CNTNAP2: variants seen among roughly 807,000 people sequenced by gnomAD.
CNTNAP2 encodes contactin-associated protein-like 2.
A neutral mutation model predicts 155.2 loss-of-function variants in CNTNAP2; 98 were observed. The observed-to-expected ratio is 0.63, with a 90% CI of 0.54 to 0.75. The LOEUF is 0.75. Among genes scored for constraint, CNTNAP2 ranks in the 30% least tolerant of loss-of-function variants. The pLI is 0.00. For synonymous variants in CNTNAP2, 651 were observed against 631.2 expected, an observed-to-expected ratio of 1.03 and a Z score of -0.47; for missense variants, 1,727 against 1,688.1, an observed-to-expected ratio of 1.02 and a Z score of -0.40.
intron 1 of CNTNAP2, among the ~76,000 whole-genome samples, chr7:146,539,846 T>C (rs1797924898): frequency 6.6e-6 from 1 of 152,142 alleles, no homozygotes; most frequent in African/African-American, 2.4e-5. Context: ...TCAAGAAATG[T>C]TTGTTGTATT....
intron 13 of CNTNAP2, among the ~76,000 whole-genome samples, chr7:147,778,116 G>A (rs12536848): frequency 0.014 from 2,111 of 152,104 alleles, 104 homozygotes; most frequent in Admixed American, 0.089. Flanking sequence ...CTCATGCTTC[G>A]GCATAAAGTC....
chr7:147,690,344 C>T (rs149130270), intron 13 of CNTNAP2, among the ~76,000 whole-genome samples: 2,510 of 152,258 alleles, frequency 0.016, 223 homozygotes, highest in Admixed American at 0.15. Flanking sequence ...TTCTTTAAAA[C>T]CAAACAGGTT....
At chr7:147,027,131 C>A (rs1042599576) in intron 3 of CNTNAP2, among the ~76,000 whole-genome samples, 1 of 151,886 alleles carries the variant, frequency 6.6e-6, no homozygotes, top group African/African-American at 2.4e-5. Context: ...ACTCTTTCTT[C>A]CCCTTAATTG....
At chr7:147,283,318 C>CT (rs34156255) in intron 8 of CNTNAP2, among the ~76,000 whole-genome samples, 19 of 151,270 alleles carry the variant, frequency 1.3e-4, no homozygotes, top group African/African-American at 2.4e-4. Flanking sequence ...AGTTCAAAGG[C>CT]TTTTTTTTAA....
chr7:146,152,464 G>A (rs1003220309), intron 1 of CNTNAP2, among the ~76,000 whole-genome samples: 2 of 152,050 alleles, frequency 1.3e-5, no homozygotes, highest in African/African-American at 4.8e-5. Flanking sequence ...CAACGTGGTA[G>A]CTATAGTTAA....
chr7:147,350,081 G>A (rs1004871722), intron 9 of CNTNAP2, among the ~76,000 whole-genome samples: 3 of 151,956 alleles, frequency 2.0e-5, no homozygotes, highest in African/African-American at 2.4e-5. Context: ...TCACTTGCAA[G>A]TGTAGGGCCT....
At chr7:147,938,302 C>T (rs940425182) in intron 14 of CNTNAP2, among the ~76,000 whole-genome samples, 5 of 152,078 alleles carry the variant, frequency 3.3e-5, no homozygotes, top group African/African-American at 9.7e-5. Flanking sequence ...CTAAGACCTA[C>T]TATACACTAA....
intron 13 of CNTNAP2, among the ~76,000 whole-genome samples, chr7:147,725,317 C>T (rs1796624423): frequency 6.6e-6 from 1 of 152,036 alleles, no homozygotes; most frequent in Non-Finnish European, 1.5e-5. Flanking sequence ...CCATTAAGAA[C>T]TGATCATTTA....
At chr7:147,943,714 G>A (rs1480589887) in intron 14 of CNTNAP2, among the ~76,000 whole-genome samples, 1 of 126,012 alleles carries the variant, frequency 7.9e-6, no homozygotes, top group Non-Finnish European at 1.6e-5. Flanking sequence ...AGTGAGCTGA[G>A]ATAATGTCAC....
intron 1 of CNTNAP2, among the ~76,000 whole-genome samples, chr7:146,524,173 A>G (rs1797655193): frequency 6.6e-6 from 1 of 152,170 alleles, no homozygotes; most frequent in South Asian, 2.1e-4. Context: ...GATGGCCCAT[A>G]TGAGGCCCAT....
chr7:146,216,415 A>G (rs1236675584), intron 1 of CNTNAP2, among the ~76,000 whole-genome samples: 1 of 152,200 alleles, frequency 6.6e-6, no homozygotes, highest in Non-Finnish European at 1.5e-5. Context: ...GTGGTTTTAT[A>G]TTTGATGGAA....
intron 8 of CNTNAP2, among the ~76,000 whole-genome samples, chr7:147,174,692 A>T (rs1802300311): frequency 2.6e-5 from 4 of 152,162 alleles, no homozygotes; most frequent in African/African-American, 9.7e-5. Context: ...GAGCCTGCAG[A>T]CTGCTTATGC....
intron 21 of CNTNAP2, among the ~76,000 whole-genome samples, chr7:148,373,717 A>G (rs1246147463): frequency 6.6e-6 from 1 of 152,214 alleles, no homozygotes; most frequent in Non-Finnish European, 1.5e-5. Flanking sequence ...TGAAATTTAG[A>G]TGGCCTCTCT....
rs577054045 is a variant in CNTNAP2, at chr7:146,991,234, T to C, written c.403-52673T>C. Among the ~76,000 whole-genome samples, 11 of 142,150 alleles carry C rather than the reference T, an allele frequency of 7.7e-5. No homozygotes were observed. In the East Asian group the frequency reaches 1.4e-3, roughly 18 times the overall value. The allele number at this position is 142,150 out of a possible 152,430, so 93.3% of individuals were successfully genotyped here. Reference sequence around the variant, plus strand: ...GATTTGAGATATAGTATTTGAAATATAGTATTCTAAATCATTTAATTTAGA... The same window carrying C: ...GATTTGAGATATAGTATTTGAAATACAGTATTCTAAATCATTTAATTTAGA... On this transcript the variant is annotated intron_variant, in intron 3 of 23. Coordinates refer to ENST00000361727, the MANE Select transcript of CNTNAP2 (RefSeq NM_014141.6).
chr7:147,378,266 A>C, intron 9 of CNTNAP2: 1 of 239,824 alleles, frequency 4.2e-6, no homozygotes, highest in Non-Finnish European at 8.4e-6. Flanking sequence ...GCAACTAATG[A>C]GAGGTTTTTT....
At chr7:146,136,682 G>GT (rs1554461739) in intron 1 of CNTNAP2, among the ~76,000 whole-genome samples, 1 of 151,922 alleles carries the variant, frequency 6.6e-6, no homozygotes, top group Non-Finnish European at 1.5e-5. Flanking sequence ...AGTAGGTGGG[G>GT]CCCCTAAGAA....
In CNTNAP2 at chr7:147,589,045, T is replaced by C. The variant is rs1584835305; in HGVS notation, c.1897+26788T>C. Among the ~76,000 whole-genome samples the C allele has an allele frequency of 2.0e-5, 3 of 152,196 alleles. No homozygotes were observed. The East Asian group carries it at 5.8e-4, about 29-fold the overall frequency. ...CACAAAAATCTAACATTTTAAATGATCAATTTATTTCTGTTTATCATTTCC... is the reference window on the plus strand; with the variant it reads ...CACAAAAATCTAACATTTTAAATGACCAATTTATTTCTGTTTATCATTTCC... On this transcript the variant is annotated intron_variant, in intron 12 of 23. Coordinates refer to ENST00000361727, the MANE Select transcript of CNTNAP2 (RefSeq NM_014141.6).
At chr7:148,316,804 C>T (rs904686600) in intron 21 of CNTNAP2, among the ~76,000 whole-genome samples, 1 of 152,206 alleles carries the variant, frequency 6.6e-6, no homozygotes, top group South Asian at 2.1e-4. Context: ...CCAAATAGCT[C>T]TCTCTGGAGG....
At chr7:148,127,897 G>A (rs577529796) in intron 16 of CNTNAP2, among the ~76,000 whole-genome samples, 1 of 152,140 alleles carries the variant, frequency 6.6e-6, no homozygotes, top group South Asian at 2.1e-4. Flanking sequence ...TTAGAGGCAG[G>A]GCCTCTCTGT....
Sources: gnomAD v4.1 joint callset for allele counts (sites outside exome capture counted in the v4.1 genomes callset) on GRCh38, gnomAD v4.1.1 for gene constraint, MANE v1.5 for transcripts, NCBI Gene and HGNC (gene_info 2026-07-23, HGNC 2026-07-21) for gene names.